Variants in OSBPL1A observed in about 807,000 individuals in gnomAD.
OSBPL1A encodes the protein oxysterol-binding protein-related protein 1.
OSBPL1A carries 80 observed loss-of-function variants against 137.1 expected under a neutral mutation model. The observed-to-expected ratio is 0.58, with a 90% CI of 0.49 to 0.70. OSBPL1A has a LOEUF of 0.70. Among genes scored for constraint, OSBPL1A ranks in the 30% least tolerant of loss-of-function variants. The pLI is 0.00. For missense variants in OSBPL1A, 970 were observed against 1,129.4 expected (o/e 0.86, Z 2.02); for synonymous variants, 365 against 389.7 (o/e 0.94, Z 0.75).
chr18:24,208,969 C>T (rs2087451640), intron 17 of OSBPL1A, among the ~76,000 whole-genome samples: 1 of 152,100 alleles, frequency 6.6e-6, no homozygotes, highest in Non-Finnish European at 1.5e-5. Context: ...TGGTGATACA[C>T]CAGAGAGCAC....
intron 15 of OSBPL1A, among the ~76,000 whole-genome samples, chr18:24,273,188 G>A (rs906983170): frequency 6.6e-6 from 1 of 152,182 alleles, no homozygotes; most frequent in African/African-American, 2.4e-5. Context: ...GATTACAGGC[G>A]TGAGCCACCA....
chr18:24,393,029 A>G (rs1468929856), intron 1 of OSBPL1A, among the ~76,000 whole-genome samples: 2 of 152,152 alleles, frequency 1.3e-5, no homozygotes, highest in African/African-American at 4.8e-5. Flanking sequence ...TCCTGACGTT[A>G]TATTCTTTTA....
chr18:24,328,247 T>A (rs898566177), intron 7 of OSBPL1A, among the ~76,000 whole-genome samples: 5 of 136,334 alleles, frequency 3.7e-5, no homozygotes, highest in African/African-American at 8.3e-5. Flanking sequence ...TTTTTTTTTT[T>A]AGTAGAGACA....
At position 24,317,208 on chromosome 18, in the gene OSBPL1A, C is replaced by T. The variant is rs1776792414; in HGVS notation, c.811G>A (p.Asp271Asn). Residue 271 changes from aspartate to asparagine, a missense_variant, in exon 11 of 28, where the codon GAT becomes AAT. Coordinates refer to ENST00000319481, the MANE Select transcript of OSBPL1A (RefSeq NM_080597.4). ...TGGCGATAAATATTATGAACTGCAT[C>T]AGGCCTTCAAAATAAAAATGAAATT... ...GVLSWYRKQPDAVHNIYRQGC... is the reference protein window; with the variant it reads ...GVLSWYRKQPNAVHNIYRQGC... 1 of 1,613,702 alleles carries T rather than the reference C, an allele frequency of 6.2e-7. No homozygotes were observed. The highest frequency in any genetic ancestry group is 8.5e-7 in the Non-Finnish European group (1 of 1,179,818).
At chr18:24,190,346 GAAAAAAAAAAAAAA>G (rs140195338) in intron 18 of OSBPL1A, among the ~76,000 whole-genome samples, 3 of 49,178 alleles carry the variant, frequency 6.1e-5, no homozygotes, top group African/African-American at 2.2e-4. Flanking sequence ...CTCTGCTACT[GAAAAAAAAAAAAAA>G]AAAAAAAAAA....
At chr18:24,211,207 T>A (rs975625357) in intron 17 of OSBPL1A, among the ~76,000 whole-genome samples, 2 of 152,186 alleles carry the variant, frequency 1.3e-5, no homozygotes, top group Non-Finnish European at 2.9e-5. Flanking sequence ...CCTCAGGCAA[T>A]CCACCTGCCT....
intron 5 of OSBPL1A, among the ~76,000 whole-genome samples, chr18:24,340,091 C>T (rs2091248562): frequency 6.6e-6 from 1 of 152,110 alleles, no homozygotes; most frequent in Non-Finnish European, 1.5e-5. Context: ...TAATTCAGTA[C>T]CTTTACTCAT....
At chr18:24,270,741 C>T (rs2089697624) in intron 15 of OSBPL1A, among the ~76,000 whole-genome samples, 1 of 152,098 alleles carries the variant, frequency 6.6e-6, no homozygotes, top group Non-Finnish European at 1.5e-5. Context: ...AGACACCCCC[C>T]ACCCCACCCC....
chr18:24,219,859 G>A (rs2087829011), intron 17 of OSBPL1A, among the ~76,000 whole-genome samples: 1 of 152,158 alleles, frequency 6.6e-6, no homozygotes, highest in African/African-American at 2.4e-5. Flanking sequence ...CATGAATCTA[G>A]ACTCAGGCTG....
chr18:24,292,407 C>T (rs1261624899), intron 14 of OSBPL1A, among the ~76,000 whole-genome samples: 1 of 152,130 alleles, frequency 6.6e-6, no homozygotes, highest in African/African-American at 2.4e-5. Flanking sequence ...CTTGTACACT[C>T]GTTAAATTTA....
chr18:24,318,689 A>C (rs1344549926), intron 8 of OSBPL1A, 44 bp from the exon 9 acceptor site: 3 of 1,599,688 alleles, frequency 1.9e-6, no homozygotes, highest in Non-Finnish European at 2.6e-6. Flanking sequence ...TACATATTTC[A>C]AACATTCAAA....
intron 27 of OSBPL1A, 84 bp downstream of exon 27, chr18:24,164,981 G>T: frequency 2.2e-6 from 3 of 1,380,080 alleles, no homozygotes; most frequent in East Asian, 2.3e-5. Flanking sequence ...TTGCTCTGGG[G>T]TCACAGTGTC....
intron 4 of OSBPL1A, among the ~76,000 whole-genome samples, chr18:24,342,654 T>C (rs1432873675): frequency 6.6e-6 from 1 of 152,152 alleles, no homozygotes; most frequent in African/African-American, 2.4e-5. Flanking sequence ...AAATAAAATC[T>C]AAAAAACATA....
rs768529217 is a variant in OSBPL1A at position 24,368,310 on chromosome 18, G to C, written c.184C>G (p.Gln62Glu). 4 of 1,612,988 alleles carry C rather than the reference G, an allele frequency of 2.5e-6. No individual in the cohort carries two copies. In the African/African-American group the frequency reaches 5.3e-5, roughly 22 times the overall value. Residue 62 changes from glutamine (Q) to glutamate (E), a missense_variant, in exon 3 of 28, where the codon CAA (glutamine) becomes GAA (glutamate). Gln to Glu is a conservative substitution (Grantham distance 29, BLOSUM62 2). Transcript: ENST00000319481. ...ACCTTCAACAGATCCTGGACCACTT[G>C]TCTGTGTCCAAAATAGCATGCCAGA... ...LHLACYFGHR[Q>E]VVQDLLKAGA...
chr18:24,334,523 G>T (rs907956587), intron 5 of OSBPL1A, among the ~76,000 whole-genome samples, 193 bp from the exon 6 acceptor site: 2 of 151,926 alleles, frequency 1.3e-5, no homozygotes, highest in Non-Finnish European at 2.9e-5. Context: ...GATGAATTTG[G>T]GTTTTCAATT....
intron 15 of OSBPL1A, among the ~76,000 whole-genome samples, chr18:24,270,178 A>AG (rs2089683407): frequency 6.6e-6 from 1 of 152,258 alleles, no homozygotes; most frequent in Non-Finnish European, 1.5e-5. Context: ...TTTGAATGCC[A>AG]GAAGTAGTAA....
At chr18:24,250,932 C>A (rs1386648012) in intron 15 of OSBPL1A, among the ~76,000 whole-genome samples, 1 of 152,122 alleles carries the variant, frequency 6.6e-6, no homozygotes, top group Admixed American at 6.6e-5. Context: ...GATGAAAGAG[C>A]CCTTGGGCTT....
intron 13 of OSBPL1A, among the ~76,000 whole-genome samples, chr18:24,309,280 T>G (rs1334614816): frequency 6.6e-6 from 1 of 152,214 alleles, no homozygotes; most frequent in East Asian, 1.9e-4. Flanking sequence ...AGGACTTGTT[T>G]TATAGAATTA....
intron 17 of OSBPL1A, among the ~76,000 whole-genome samples, chr18:24,198,885 TCA>T (rs2087124038): frequency 6.9e-6 from 1 of 144,622 alleles, no homozygotes; most frequent in African/African-American, 2.6e-5. Context: ...TGAGAGAGAG[TCA>T]CACTCTGTTA....
Sources: gnomAD v4.1 joint callset for allele counts (sites outside exome capture counted in the v4.1 genomes callset) on GRCh38, gnomAD v4.1.1 for gene constraint, MANE v1.5 for transcripts, NCBI Gene and HGNC (gene_info 2026-07-23, HGNC 2026-07-21) for gene names.